KLF13: variants seen among roughly 807,000 people sequenced by gnomAD.
KLF13 encodes the protein Krueppel-like factor 13.
Under a neutral mutation model 16.7 loss-of-function variants are expected in KLF13, and 8 were observed. The observed-to-expected ratio is 0.48, with a 90% CI of 0.28 to 0.87. The LOEUF (loss-of-function observed/expected upper bound fraction) is 0.87. KLF13 is among the 40% of genes least tolerant of loss of function. The pLI, the probability that KLF13 is intolerant of heterozygous loss-of-function variation, is 0.10. For synonymous variants in KLF13, 245 were observed against 208.4 expected, an observed-to-expected ratio of 1.18 and a Z score of -1.51; for missense variants, 447 against 452.2, an observed-to-expected ratio of 0.99 and a Z score of 0.10.
chr15:31,379,998 CT>C (rs1206158646), downstream of KLF13, among the ~76,000 whole-genome samples: 1 of 152,202 alleles, frequency 6.6e-6, no homozygotes, highest in Non-Finnish European at 1.5e-5. Context: ...ACATCTGCCC[CT>C]CTAAAGAAGG....
chr15:31,408,900 G>A (rs2040159442), downstream of KLF13, among the ~76,000 whole-genome samples: 1 of 152,080 alleles, frequency 6.6e-6, no homozygotes, highest in African/African-American at 2.4e-5. Context: ...CCTTTGACTG[G>A]CTCATCAGTA....
chr15:31,335,593 C>T (rs936472561), intron 1 of KLF13, among the ~76,000 whole-genome samples: 5 of 152,150 alleles, frequency 3.3e-5, no homozygotes, highest in African/African-American at 7.2e-5. Context: ...AGACAGCACA[C>T]TTGGCAGGGG....
At chr15:31,335,041 G>T (rs147319812) in intron 1 of KLF13, among the ~76,000 whole-genome samples, 1 of 152,192 alleles carries the variant, frequency 6.6e-6, no homozygotes, top group Admixed American at 6.5e-5. Context: ...CCATAAACAC[G>T]TATGCCTCCA....
chr15:31,353,804 C>T (rs921295413), intron 1 of KLF13, among the ~76,000 whole-genome samples: 1 of 151,652 alleles, frequency 6.6e-6, no homozygotes. Context: ...GGCAGGCAAC[C>T]CCCACACCCT....
chr15:31,346,798 C>G (rs1176198270), intron 1 of KLF13, among the ~76,000 whole-genome samples: 2 of 152,210 alleles, frequency 1.3e-5, no homozygotes, highest in Non-Finnish European at 2.9e-5. Flanking sequence ...TCCTGCCGGC[C>G]ATAGGTGGGC....
intron 1 of KLF13, 29 bp from the exon 2 acceptor site, chr15:31,371,981 A>G: frequency 6.4e-7 from 1 of 1,571,372 alleles, no homozygotes; most frequent in South Asian, 1.2e-5. Flanking sequence ...CCAGGTGCGG[A>G]TACTGATGCT....
At chr15:31,381,125 TC>T (rs1160003256), downstream of KLF13, among the ~76,000 whole-genome samples, 25 of 137,350 alleles carry the variant, frequency 1.8e-4, no homozygotes, top group East Asian at 5.4e-3. Context: ...TGAGCGAAGA[TC>T]GCGCCATTGC....
At chr15:31,379,726 G>A (rs533249303), downstream of KLF13, among the ~76,000 whole-genome samples, 13 of 152,344 alleles carry the variant, frequency 8.5e-5, no homozygotes, top group East Asian at 1.2e-3. Context: ...TTCGGGTGGC[G>A]GAGAGGGTCT....
chr15:31,396,638 A>T (rs1300215689), intron 2 of KLF13, among the ~76,000 whole-genome samples: 1 of 152,206 alleles, frequency 6.6e-6, no homozygotes, highest in Non-Finnish European at 1.5e-5. Flanking sequence ...TGATCCATGG[A>T]GTACAGGGTC....
chr15:31,396,930 AGGAATG>A (rs2039958737), intron 2 of KLF13, among the ~76,000 whole-genome samples: 1 of 152,136 alleles, frequency 6.6e-6, no homozygotes, highest in Non-Finnish European at 1.5e-5. Flanking sequence ...GCTTACACCT[AGGAATG>A]AACAAGGACA....
At chr15:31,329,797 C>T (rs908913051) in intron 1 of KLF13, among the ~76,000 whole-genome samples, 1 of 152,140 alleles carries the variant, frequency 6.6e-6, no homozygotes, top group South Asian at 2.1e-4. Context: ...GTGCAGACAT[C>T]AGAAGTCCTA....
intron 1 of KLF13, among the ~76,000 whole-genome samples, chr15:31,342,982 T>C (rs2140940709): frequency 6.6e-6 from 1 of 152,378 alleles, no homozygotes; most frequent in South Asian, 2.1e-4. Flanking sequence ...CACTTGTGCC[T>C]GTTCCCCAGG....
chr15:31,356,722 T>C (rs2140952850), intron 1 of KLF13, among the ~76,000 whole-genome samples: 1 of 152,356 alleles, frequency 6.6e-6, no homozygotes, highest in South Asian at 2.1e-4. Flanking sequence ...GGTTTACTCG[T>C]GCGGTTTGGA....
At chr15:31,363,277 TA>T (rs1295374302) in intron 1 of KLF13, among the ~76,000 whole-genome samples, 1 of 152,270 alleles carries the variant, frequency 6.6e-6, no homozygotes, top group African/African-American at 2.4e-5. Flanking sequence ...GAGCCATTTG[TA>T]GTTCCTTTTT....
intron 1 of KLF13, among the ~76,000 whole-genome samples, chr15:31,431,712 C>T (rs2040474123): frequency 6.6e-6 from 1 of 152,236 alleles, no homozygotes; most frequent in African/African-American, 2.4e-5. Context: ...GATCCTCCCG[C>T]CTCGGCCTCC....
At chr15:31,350,005 G>A (rs2039191457) in intron 1 of KLF13, among the ~76,000 whole-genome samples, 1 of 152,238 alleles carries the variant, frequency 6.6e-6, no homozygotes, top group African/African-American at 2.4e-5. Flanking sequence ...CCTAGCCTTT[G>A]CCGAATTTGT....
intron 1 of KLF13, among the ~76,000 whole-genome samples, chr15:31,342,728 T>G (rs948871804): frequency 6.6e-6 from 1 of 152,254 alleles, no homozygotes; most frequent in African/African-American, 2.4e-5. Context: ...CTTTCTTTTT[T>G]GGGGCAGCAG....
At chr15:31,384,402 A>C (rs931543482) in intron 1 of KLF13, among the ~76,000 whole-genome samples, 1 of 152,252 alleles carries the variant, frequency 6.6e-6, no homozygotes, top group African/African-American at 2.4e-5. Flanking sequence ...ACTGCACTCC[A>C]ACCTGGGTGA....
chr15:31,423,409 A>T (rs2141010852), intron 1 of KLF13, among the ~76,000 whole-genome samples: 1 of 151,816 alleles, frequency 6.6e-6, no homozygotes, highest in South Asian at 2.1e-4. Context: ...AGGTGGGTGG[A>T]TCACGTGAGG....
Sources: allele counts gnomAD v4.1 joint callset (sites outside exome capture counted in the v4.1 genomes callset), GRCh38; gene constraint gnomAD v4.1.1; transcripts MANE v1.5; gene names NCBI Gene and HGNC (gene_info 2026-07-23, HGNC 2026-07-21).